ATG10: variants seen among roughly 807,000 people sequenced by gnomAD.
ATG10 encodes the protein ubiquitin-like-conjugating enzyme ATG10.
Under a neutral mutation model 32.1 loss-of-function variants are expected in ATG10, and 30 were observed. That is an observed-to-expected ratio of 0.94 (90% CI 0.70 to 1.27). The LOEUF (loss-of-function observed/expected upper bound fraction) is 1.27, where lower values mean the gene tolerates loss of function less well. Ranked by LOEUF, ATG10 falls within the 50% of genes most tolerant of loss-of-function variation. The pLI is 0.00. For missense variants in ATG10, 233 were observed against 262.3 expected, an observed-to-expected ratio of 0.89 and a Z score of 0.77; for synonymous variants, 87 against 91.5, an observed-to-expected ratio of 0.95 and a Z score of 0.28.
intron 2 of ATG10, among the ~76,000 whole-genome samples, chr5:82,001,575 G>A (rs1031423593): frequency 9.9e-5 from 15 of 152,114 alleles, no homozygotes; most frequent in Non-Finnish European, 1.5e-4. Context: ...AATAAATGAT[G>A]TGGGATAACT....
chr5:82,201,326 AT>A (rs1745063175), intron 5 of ATG10, among the ~76,000 whole-genome samples: 1 of 151,952 alleles, frequency 6.6e-6, no homozygotes, highest in South Asian at 2.1e-4. Context: ...TTTTGATTTA[AT>A]TTTTATGTAA....
At chr5:82,170,311 A>G (rs953994048) in intron 4 of ATG10, among the ~76,000 whole-genome samples, 43 of 152,358 alleles carry the variant, frequency 2.8e-4, no homozygotes, top group African/African-American at 9.6e-4. Context: ...TACTGTGTGC[A>G]CAACACAAAT....
At chr5:82,251,156 T>C (rs1048604939) in intron 5 of ATG10, among the ~76,000 whole-genome samples, 18 of 152,196 alleles carry the variant, frequency 1.2e-4, no homozygotes, top group African/African-American at 4.1e-4. Context: ...CAAATCTCCA[T>C]ACCCAGTGTC....
chr5:82,009,904 C>G lies in ATG10; in HGVS notation c.108+22226C>G, dbSNP rs537588398. On this transcript the variant is annotated intron_variant, in intron 2 of 7. Transcript: ENST00000282185. ...CCATTATGGCGTGTGAAGTCACCAC[C>G]CTGACACATAAACCCTGGAATAATT... The G allele has an allele frequency of 5.6e-6, 9 of 1,610,602 alleles. No individual in the cohort carries two copies. The East Asian group carries it at 2.0e-4, about 36-fold the overall frequency.
At chr5:82,113,962 G>A (rs992376884) in intron 3 of ATG10, among the ~76,000 whole-genome samples, 2 of 151,634 alleles carry the variant, frequency 1.3e-5, no homozygotes, top group Non-Finnish European at 1.5e-5. Context: ...GTGTTTTTTG[G>A]CATACATAAT....
In ATG10 at chr5:82,178,549, C is replaced by T. The variant is rs539000327; in HGVS notation, c.415C>T (p.Arg139Ter). ...AGGAGTTCATGAGTGCTATAAGATG[C>T]GACTGCTACAGGGACCATGGGACAC... is the stretch of plus-strand genomic sequence containing the variant. The part of the protein sequence containing the change: ...WEGVHECYKM[R>*]LLQGPWDTIT... Residue 139 changes from arginine to a stop codon, truncating the protein, a stop_gained, in exon 5 of 8, where the codon CGA becomes TGA. Coordinates refer to ENST00000282185, the MANE Select transcript of ATG10 (RefSeq NM_031482.5). LOFTEE classifies it high-confidence loss of function. The T allele has an allele frequency of 1.5e-5, 24 of 1,611,800 alleles. No individual in the cohort carries two copies. The highest frequency in any genetic ancestry group is 3.3e-5 in the Admixed American group (2 of 59,918).
chr5:82,047,141 C>G (rs547766134), intron 2 of ATG10, among the ~76,000 whole-genome samples: 1 of 151,984 alleles, frequency 6.6e-6, no homozygotes, highest in East Asian at 1.9e-4. Flanking sequence ...CGATAGCAGG[C>G]CCCCCATGTC....
intron 5 of ATG10, among the ~76,000 whole-genome samples, chr5:82,214,054 A>G (rs1745587891): frequency 6.6e-6 from 1 of 152,192 alleles, no homozygotes; most frequent in Non-Finnish European, 1.5e-5. Context: ...ATGTCCATGT[A>G]CTACCTAAAC....
At position 82,071,052 on chromosome 5, in the gene ATG10, C is replaced by T. The variant is rs538130951; in HGVS notation, c.216+12450C>T. Among the ~76,000 whole-genome samples, 5 of 152,092 alleles carry T rather than the reference C, an allele frequency of 3.3e-5. No individual in the cohort carries two copies. The South Asian group carries it at 8.3e-4, about 25-fold the overall frequency. The stretch of plus-strand genomic sequence containing the variant: ...TGACAAGGAATATATTTTTTATTCC[C>T]CCCTTTCTAATAGGTCATTTAACTG... On this transcript the variant is annotated intron_variant, in intron 3 of 7. Coordinates refer to ENST00000282185, the MANE Select transcript of ATG10 (RefSeq NM_031482.5).
intron 2 of ATG10, among the ~76,000 whole-genome samples, chr5:81,993,368 CTTTTCTTTTCTTTTCTTTTCTTTTT>C (rs1561244173): frequency 4.8e-5 from 2 of 41,758 alleles, no homozygotes; most frequent in African/African-American, 1.6e-4. Flanking sequence ...TCCTTCTTTT[CTTTTCTTTTCTTTTCTTTTCTTTTT>C]TTTTCTTTTC....
intron 5 of ATG10, among the ~76,000 whole-genome samples, chr5:82,190,003 A>G (rs1289865669): frequency 1.3e-5 from 2 of 152,096 alleles, no homozygotes; most frequent in Non-Finnish European, 1.5e-5. Context: ...ATTTCCTCCT[A>G]CTGTCTATTT....
At chr5:82,250,433 G>A (rs115620171) in intron 5 of ATG10, among the ~76,000 whole-genome samples, 2,692 of 152,270 alleles carry the variant, frequency 0.018, 36 homozygotes, top group Non-Finnish European at 0.026. Flanking sequence ...GGCACTGGAA[G>A]ATCCAGTGTC....
chr5:82,229,232 C>A (rs145487324), intron 5 of ATG10, among the ~76,000 whole-genome samples: 1 of 152,298 alleles, frequency 6.6e-6, no homozygotes, highest in Non-Finnish European at 1.5e-5. Flanking sequence ...AATTTTACTT[C>A]ATGCTGGAGA....
At chr5:82,167,345 T>C (rs527995003) in intron 4 of ATG10, among the ~76,000 whole-genome samples, 1 of 152,322 alleles carries the variant, frequency 6.6e-6, no homozygotes, top group South Asian at 2.1e-4. Context: ...AGTGAGAAGC[T>C]TTATTTATGG....
intron 1 of ATG10, among the ~76,000 whole-genome samples, chr5:81,974,049 A>T (rs1455418110): frequency 3.3e-5 from 5 of 152,202 alleles, no homozygotes; most frequent in Non-Finnish European, 7.3e-5. Flanking sequence ...TGCCTAATAC[A>T]TTTCTGAGAA....
chr5:82,084,464 T>C (rs1468995561), intron 3 of ATG10, among the ~76,000 whole-genome samples: 3 of 152,016 alleles, frequency 2.0e-5, no homozygotes, highest in African/African-American at 7.3e-5. Context: ...AACATTCAAA[T>C]TGAGGAAATA....
At chr5:81,980,204 C>A (rs4703863) in intron 1 of ATG10, among the ~76,000 whole-genome samples, 52,119 of 151,870 alleles carry the variant, frequency 0.34, 10,262 homozygotes, top group East Asian at 0.76. Context: ...AGAGGTCTTT[C>A]CCTTTCTCTT....
At position 82,253,425 on chromosome 5, in the gene ATG10, A is replaced by G; in HGVS notation, c.663A>G (p.Ter221=). 1.9e-6 allele frequency: 3 copies of G among 1,544,160 alleles called. No individual in the cohort carries two copies. Among genetic ancestry groups the G allele is most frequent in the Non-Finnish European group, 2.7e-6 (3 of 1,116,296 alleles). Reference sequence around the variant, plus strand: ...CTCAGGATGAACGAAATGTCCCTTAACAAGGTAAAAGAAAAGCCTGGATTT... The same window carrying G: ...CTCAGGATGAACGAAATGTCCCTTAGCAAGGTAAAAGAAAAGCCTGGATTT... ...ATSQDERNVP[*] Residue 221 remains the stop codon, a stop_retained_variant, in exon 7 of 8, where the codon TAA becomes TAG. Transcript: ENST00000282185.
intron 3 of ATG10, among the ~76,000 whole-genome samples, chr5:82,108,081 G>A (rs1052577890): frequency 1.4e-4 from 21 of 151,968 alleles, no homozygotes; most frequent in East Asian, 3.9e-4. Flanking sequence ...CTTGAAATCC[G>A]TGCTAAGTGC....
Sources: allele counts gnomAD v4.1 joint callset (sites outside exome capture counted in the v4.1 genomes callset), GRCh38; gene constraint gnomAD v4.1.1; transcripts MANE v1.5; gene names NCBI Gene and HGNC (gene_info 2026-07-23, HGNC 2026-07-21).